The following GNAI2 variants were observed in gnomAD, a reference collection of about 807,000 sequenced individuals.
GNAI2 encodes guanine nucleotide-binding protein G(i) subunit alpha-2.
GNAI2 carries 4 observed loss-of-function variants against 36.8 expected under a neutral mutation model. That is an observed-to-expected ratio of 0.11 (90% CI 0.05 to 0.25). The LOEUF is 0.25. Among genes scored for constraint, GNAI2 ranks in the 10% least tolerant of loss-of-function variants. GNAI2 has a pLI of 1.00. For synonymous variants in GNAI2, 194 were observed against 194.1 expected, an observed-to-expected ratio of 1.00 and a Z score of 0.01; for missense variants, 230 against 481.3, an observed-to-expected ratio of 0.48 and a Z score of 4.89.
At chr3:50,234,849 GC>G (rs1700132241), upstream of GNAI2, among the ~76,000 whole-genome samples, 2 of 152,180 alleles carry the variant, frequency 1.3e-5, no homozygotes, top group Non-Finnish European at 2.9e-5. Context: ...GGGGCTCTGG[GC>G]TGCTCCTGGA....
At chr3:50,228,052 A>G (rs1407547688), upstream of GNAI2, among the ~76,000 whole-genome samples, 1 of 152,074 alleles carries the variant, frequency 6.6e-6, no homozygotes, top group Non-Finnish European at 1.5e-5. Flanking sequence ...GCCCGCCCAA[A>G]CCTGCTGGAG....
At position 50,238,864 on chromosome 3, in the gene GNAI2, G is replaced by A. The variant is rs1553700686; in HGVS notation, c.118+2411G>A. ...ACTTTGTCCAGGCAACGGGACTCAG[G>A]TTGGGCAACTGCCAGCCTTCCCTCC... On this transcript the variant is annotated intron_variant, in intron 1 of 8. Transcript: ENST00000313601. The surrounding 1 kb of genome is among the most constrained non-coding windows in gnomAD (Gnocchi z 5.0). Among the ~76,000 whole-genome samples, 1 of 152,218 alleles carries A rather than the reference G, an allele frequency of 6.6e-6. No homozygotes were observed. The highest frequency in any genetic ancestry group is 1.5e-5 in the Non-Finnish European group (1 of 68,026).
chr3:50,237,413 A>G (rs1700200024), intron 1 of GNAI2, among the ~76,000 whole-genome samples: 2 of 152,164 alleles, frequency 1.3e-5, no homozygotes, highest in South Asian at 4.1e-4. Flanking sequence ...GGTGGCTGCT[A>G]GAGGAGTGGG....
At chr3:50,251,998 A>C in intron 1 of GNAI2, 102 bp from the exon 2 acceptor site, 1 of 1,143,650 alleles carries the variant, frequency 8.7e-7, no homozygotes, top group Non-Finnish European at 1.3e-6. Context: ...GCTGGTGGGA[A>C]GGTTAGTTCT....
At chr3:50,230,344 C>T (rs1370902746), upstream of GNAI2, 6 of 152,262 alleles carry the variant, frequency 3.9e-5, no homozygotes, top group Admixed American at 1.3e-4. Context: ...GCAGTAGCTG[C>T]AAGGCTGTGA....
chr3:50,248,980 C>T (rs587604084), intron 1 of GNAI2, among the ~76,000 whole-genome samples: 9 of 152,198 alleles, frequency 5.9e-5, no homozygotes, highest in African/African-American at 2.2e-4. Context: ...GGCAGGGTCA[C>T]GAAGCGGCCC....
rs781903414 is a variant in GNAI2 at position 50,253,029 on chromosome 3, C to T, written c.309C>T (p.Asp103=). The change falls in exon 4 of 9, where the codon GAC becomes GAT. Residue 103 remains aspartate, a synonymous_variant. Coordinates refer to ENST00000313601, the MANE Select transcript of GNAI2 (RefSeq NM_002070.4). The surrounding 1 kb of genome is among the most constrained non-coding windows in gnomAD (Gnocchi z 4.2). The stretch of plus-strand genomic sequence containing the variant: ...CCACCCGCCACTGTGCCCAGGACGA[C>T]GCCAGGCAGCTATTTGCACTGTCCT... ...IDFADPSRAD[D]ARQLFALSCT... is the part of the protein sequence containing the mutation. 2.3e-5 allele frequency: 37 copies of T among 1,583,968 alleles called. No homozygotes were observed. The highest frequency in any genetic ancestry group is 2.9e-5 in the Non-Finnish European group (33 of 1,156,926).
Position 50,236,362 on chromosome 3 carries a change from C to T in GNAI2, c.27C>T (p.Asp9=), listed in dbSNP as rs1553700364. 2 of 1,538,248 alleles carry T rather than the reference C, an allele frequency of 1.3e-6. No individual in the cohort carries two copies. Among genetic ancestry groups the T allele is most frequent in the Non-Finnish European group, 1.7e-6 (2 of 1,150,584 alleles). The change falls in exon 1 of 9, where the codon GAC becomes GAT. Residue 9 remains aspartate (D), a synonymous_variant. Transcript: ENST00000313601. The surrounding 1 kb of genome is among the most constrained non-coding windows in gnomAD (Gnocchi z 4.0). MGCTVSAE[D]KAAAERSKMI... Reference sequence around the variant, plus strand: ...TGGGCTGCACCGTGAGCGCCGAGGACAAGGCGGCGGCCGAGCGCTCTAAGA... The same window carrying T: ...TGGGCTGCACCGTGAGCGCCGAGGATAAGGCGGCGGCCGAGCGCTCTAAGA...
Position 50,238,233 on chromosome 3 carries a change from C to A in GNAI2, c.118+1780C>A, listed in dbSNP as rs1370708334. 6.6e-6 allele frequency: 1 copy of A among 152,166 alleles called. No individual in the cohort carries two copies. The highest frequency in any genetic ancestry group is 1.5e-5 in the Non-Finnish European group (1 of 68,024). 9.4% of individuals were successfully genotyped at this position (152,166 alleles called of 1,614,324 possible). A position where few individuals can be genotyped will look rare whatever the true frequency, so the allele number is the denominator to read the frequency against. On this transcript the variant is annotated intron_variant, in intron 1 of 8. Coordinates refer to ENST00000313601, the MANE Select transcript of GNAI2 (RefSeq NM_002070.4). This position sits in a 1 kb window ranked among gnomAD's most constrained non-coding sequence, Gnocchi z 5.0. ...GTACCGCTGCCTCCCAGTGCCCAGC[C>A]AGGAGTCTCTAGACAGCCTCTCCCC...
upstream of GNAI2, chr3:50,236,119 G>T: frequency 9.6e-7 from 1 of 1,038,280 alleles, no homozygotes; most frequent in Non-Finnish European, 1.2e-6. This position sits in a 1 kb window ranked among gnomAD's most constrained non-coding sequence, Gnocchi z 4.0. Flanking sequence ...GCCCGCCCCG[G>T]CCCAGTCACA....
chr3:50,257,754 T>G (rs1164964838), intron 8 of GNAI2, 40 bp downstream of exon 8: 11 of 895,402 alleles, frequency 1.2e-5, no homozygotes, highest in African/African-American at 4.1e-5. Flanking sequence ...GGGGAAGAAC[T>G]AAGCGGGCCT....
intron 1 of GNAI2, among the ~76,000 whole-genome samples, chr3:50,245,160 G>A (rs974557628): frequency 1.3e-5 from 2 of 152,078 alleles, no homozygotes; most frequent in Non-Finnish European, 2.9e-5. Context: ...CACCATGCCC[G>A]GCTAATTTTG....
At position 50,258,829 on chromosome 3, in the gene GNAI2, C is replaced by T. The variant is rs1272124845; in HGVS notation, c.*486C>T. ...AGGAAAAAGCACAAGAAGCGTGAGA[C>T]GCCACCATTCCTGGAAACCACAGTC... On this transcript the variant is annotated 3_prime_UTR_variant, in exon 9 of 9. Coordinates refer to ENST00000313601, the MANE Select transcript of GNAI2 (RefSeq NM_002070.4). 4.5e-5 allele frequency: 19 copies of T among 423,700 alleles called. 1 individual carries two copies. The highest frequency in any genetic ancestry group is 5.5e-5 in the Non-Finnish European group (12 of 218,674). The allele number at this position is 423,700 out of a possible 1,614,324, so 26.2% of individuals were successfully genotyped here. A position where few individuals can be genotyped will look rare whatever the true frequency, so the allele number is the denominator to read the frequency against.
chr3:50,256,404 C>T (rs1230299760), intron 5 of GNAI2, 84 bp downstream of exon 5: 1 of 1,304,370 alleles, frequency 7.7e-7, no homozygotes, highest in South Asian at 1.2e-5. Flanking sequence ...CAGGATCCCC[C>T]AGCCCCACTG....
rs1184866538 is a variant in GNAI2, at chr3:50,241,079, G to C, written c.118+4626G>C. Among the ~76,000 whole-genome samples, 1 of 152,174 alleles carries C rather than the reference G, an allele frequency of 6.6e-6. No individual in the cohort carries two copies. Among genetic ancestry groups the C allele is most frequent in the Non-Finnish European group, 1.5e-5 (1 of 68,022 alleles). ...TCAGGCAGCTGTTCACAGCAAGTGG[G>C]GAGCCCAAGGCGTGCAGATAGTTGG... On this transcript the variant is annotated intron_variant, in intron 1 of 8. Transcript: ENST00000313601. This position sits in a 1 kb window ranked among gnomAD's most constrained non-coding sequence, Gnocchi z 5.0.
upstream of GNAI2, among the ~76,000 whole-genome samples, chr3:50,228,012 C>A (rs911844857): frequency 6.6e-6 from 1 of 152,148 alleles, no homozygotes; most frequent in African/African-American, 2.4e-5. Flanking sequence ...TGAGCCACGC[C>A]CATTTGGAGG....
intron 1 of GNAI2, among the ~76,000 whole-genome samples, chr3:50,247,706 C>CCT (rs1199895902): frequency 3.3e-5 from 5 of 152,256 alleles, no homozygotes; most frequent in Admixed American, 6.5e-5. Context: ...ATGATTACTG[C>CCT]CTACCTGCTG....
chr3:50,247,238 A>G (rs782302756), intron 1 of GNAI2, among the ~76,000 whole-genome samples: 1 of 152,228 alleles, frequency 6.6e-6, no homozygotes, highest in Non-Finnish European at 1.5e-5. Context: ...GGTGCCAGAG[A>G]AAGGGCAGGA....
intron 1 of GNAI2, among the ~76,000 whole-genome samples, chr3:50,245,077 C>T (rs1428665995): frequency 1.3e-5 from 2 of 151,958 alleles, no homozygotes; most frequent in Non-Finnish European, 2.9e-5. Context: ...CGGCTCACCA[C>T]AACCTCCGCC....
Sources: gnomAD v4.1 joint callset for allele counts (sites outside exome capture counted in the v4.1 genomes callset) on GRCh38, gnomAD v4.1.1 for gene constraint, Gnocchi (gnomAD v3.1) non-coding constraint, MANE v1.5 for transcripts, NCBI Gene and HGNC (gene_info 2026-07-23, HGNC 2026-07-21) for gene names.